ENTPD6: variants seen among roughly 807,000 people sequenced by gnomAD.
ENTPD6 encodes the protein ectonucleoside triphosphate diphosphohydrolase 6, also known as CD39 antigen-like 2.
A neutral mutation model predicts 61.5 loss-of-function variants in ENTPD6; 46 were observed. The ratio of observed to expected loss-of-function variants is 0.75; its 90% confidence interval spans 0.59 to 0.96. The LOEUF (loss-of-function observed/expected upper bound fraction) is 0.96. ENTPD6 is among the 40% of genes least tolerant of loss of function. The pLI, the probability that ENTPD6 is intolerant of heterozygous loss-of-function variation, is 0.00. For missense variants in ENTPD6, 612 were observed against 629.0 expected, an observed-to-expected ratio of 0.97 and a Z score of 0.29; for synonymous variants, 252 against 255.5, an observed-to-expected ratio of 0.99 and a Z score of 0.13.
At chr20:25,204,063 A>C (rs2091267976) in intron 1 of ENTPD6, among the ~76,000 whole-genome samples, 1 of 152,168 alleles carries the variant, frequency 6.6e-6, no homozygotes, top group Non-Finnish European at 1.5e-5. Flanking sequence ...CATTATGAAT[A>C]CTTTCAAGCT....
chr20:25,207,787 TA>T (rs1271160296), intron 3 of ENTPD6, among the ~76,000 whole-genome samples: 8 of 152,100 alleles, frequency 5.3e-5, no homozygotes, highest in Non-Finnish European at 1.2e-4. Context: ...AGATAAATAA[TA>T]AAGGCTCCTG....
intron 1 of ENTPD6, 33 bp downstream of exon 1, chr20:25,195,900 G>C: frequency 4.1e-6 from 5 of 1,229,978 alleles, no homozygotes; most frequent in Non-Finnish European, 5.1e-6. Flanking sequence ...GGCGGGGGCG[G>C]CCGGGGATCA....
At chr20:25,218,123 G>A (rs565055666) in intron 9 of ENTPD6, among the ~76,000 whole-genome samples, 9 of 151,922 alleles carry the variant, frequency 5.9e-5, no homozygotes, top group East Asian at 5.8e-4. Flanking sequence ...TACAGTATAC[G>A]CACATTCCTC....
intron 6 of ENTPD6, 52 bp downstream of exon 6, chr20:25,214,994 G>A (rs2092234682): frequency 8.0e-7 from 1 of 1,255,992 alleles, no homozygotes; most frequent in Non-Finnish European, 1.2e-6. Flanking sequence ...TGAGGTGGGT[G>A]GGAGCAATCC....
chr20:25,227,126 T>C lies in ENTPD6; in HGVS notation c.*1529T>C, dbSNP rs1389971236. ...AGCCCACATCCCGAGTGCTTGTGCC[T>C]GAAGCCCCCCCCAACCAACTGTCAC... is the stretch of plus-strand genomic sequence containing the variant. On this transcript the variant is annotated 3_prime_UTR_variant, in exon 15 of 15. Transcript: ENST00000376652. Among the ~76,000 whole-genome samples the C allele has an allele frequency of 6.6e-6, 1 of 152,242 alleles. No homozygotes were observed. The highest frequency in any genetic ancestry group is 1.5e-5 in the Non-Finnish European group (1 of 68,042).
intron 10 of ENTPD6, among the ~76,000 whole-genome samples, chr20:25,219,737 C>T (rs1402666421): frequency 1.3e-5 from 2 of 152,192 alleles, no homozygotes; most frequent in African/African-American, 4.8e-5. Context: ...CCTCAGCCCC[C>T]AGCGCCCCAT....
intron 10 of ENTPD6, among the ~76,000 whole-genome samples, chr20:25,219,278 G>T (rs2092519694): frequency 6.6e-6 from 1 of 152,242 alleles, no homozygotes; most frequent in Non-Finnish European, 1.5e-5. Flanking sequence ...CCTACATTGG[G>T]AGCTGGCTTT....
At chr20:25,215,056 C>G (rs1002924078) in intron 6 of ENTPD6, 114 bp downstream of exon 6, 1 of 687,724 alleles carries the variant, frequency 1.5e-6, no homozygotes, top group African/African-American at 1.8e-5. Flanking sequence ...GGAGCCTCCT[C>G]CCCCGTCCGA....
At position 25,208,140 on chromosome 20, in the gene ENTPD6, G is replaced by A. The variant is rs77609475; in HGVS notation, c.376+743G>A. 7.4e-3 allele frequency among the ~76,000 whole-genome samples: 1,122 copies of A among 152,270 alleles called. 12 individuals carry two copies. Among genetic ancestry groups the A allele is most frequent in the African/African-American group, 0.025 (1,042 of 41,546 alleles). ...CTTCTTGGCTGACCTGGAACCTGTG[G>A]GGTAGACACCATCCTGGCATTGCAC... is the stretch of plus-strand genomic sequence containing the variant. On this transcript the variant is annotated intron_variant, in intron 3 of 14. Coordinates refer to ENST00000376652, the MANE Select transcript of ENTPD6 (RefSeq NM_001247.5).
At chr20:25,215,439 G>A (rs984523415) in intron 6 of ENTPD6, among the ~76,000 whole-genome samples, 2 of 152,168 alleles carry the variant, frequency 1.3e-5, no homozygotes, top group Admixed American at 6.5e-5. Flanking sequence ...GAGGAGAGAC[G>A]CAGCATTTGG....
intron 13 of ENTPD6, 74 bp downstream of exon 13, chr20:25,224,231 G>A: frequency 1.4e-6 from 2 of 1,395,374 alleles, no homozygotes; most frequent in Admixed American, 1.8e-5. Flanking sequence ...CGCTGGCCCT[G>A]ACTCTCCTGG....
At chr20:25,209,055 T>C (rs1262997030) in intron 3 of ENTPD6, among the ~76,000 whole-genome samples, 3 of 151,922 alleles carry the variant, frequency 2.0e-5, no homozygotes, top group Non-Finnish European at 4.4e-5. Flanking sequence ...TAGCTGGGAC[T>C]ACAGATGCCC....
At chr20:25,219,643 C>T (rs1431160836) in intron 10 of ENTPD6, among the ~76,000 whole-genome samples, 4 of 152,234 alleles carry the variant, frequency 2.6e-5, no homozygotes, top group Admixed American at 2.6e-4. Flanking sequence ...GGCCAGGCCA[C>T]AGAGGCCTTC....
intron 1 of ENTPD6, among the ~76,000 whole-genome samples, chr20:25,206,051 C>T (rs902209493): frequency 6.6e-6 from 1 of 152,262 alleles, no homozygotes; most frequent in Non-Finnish European, 1.5e-5. Flanking sequence ...GCATGTGGCA[C>T]GTGCTTTCCC....
chr20:25,202,147 A>G (rs1338901775), intron 1 of ENTPD6, among the ~76,000 whole-genome samples: 1 of 152,218 alleles, frequency 6.6e-6, no homozygotes, highest in East Asian at 1.9e-4. Context: ...GTGGAAGTGG[A>G]TTATCATAAA....
At chr20:25,205,878 C>T (rs772850488) in intron 1 of ENTPD6, among the ~76,000 whole-genome samples, 2 of 152,192 alleles carry the variant, frequency 1.3e-5, no homozygotes, top group Non-Finnish European at 2.9e-5. Context: ...TGCTTTGCCC[C>T]GCGGGCCCTG....
At chr20:25,222,766 G>A (rs781117246) in intron 11 of ENTPD6, 72 bp from the exon 12 acceptor site, 36 of 1,576,838 alleles carry the variant, frequency 2.3e-5, no homozygotes, top group Non-Finnish European at 2.9e-5. Flanking sequence ...AGTCCCCTGG[G>A]AGGGGCCCCA....
At chr20:25,197,175 A>G in intron 1 of ENTPD6, 1 of 985,438 alleles carries the variant, frequency 1.0e-6, no homozygotes, top group Non-Finnish European at 1.2e-6. Context: ...AAACTGGCCA[A>G]CAGATTAGGC....
intron 9 of ENTPD6, among the ~76,000 whole-genome samples, chr20:25,218,094 C>T (rs113932241): frequency 0.012 from 1,875 of 151,844 alleles, 40 homozygotes; most frequent in African/African-American, 0.043. Flanking sequence ...TGTCCTTCTC[C>T]TTCATCCTTT....
Sources: allele counts gnomAD v4.1 joint callset (sites outside exome capture counted in the v4.1 genomes callset), GRCh38; gene constraint gnomAD v4.1.1; transcripts MANE v1.5; gene names NCBI Gene and HGNC (gene_info 2026-07-23, HGNC 2026-07-21).